TNFRSF21: variants seen among roughly 807,000 people sequenced by gnomAD.
TNFRSF21 encodes tumor necrosis factor receptor superfamily member 21.
TNFRSF21 carries 19 observed loss-of-function variants against 45.6 expected under a neutral mutation model. The ratio of observed to expected loss-of-function variants is 0.42; its 90% CI spans 0.29 to 0.61. TNFRSF21 has a LOEUF of 0.61. TNFRSF21 is among the 20% of genes least tolerant of loss of function. The pLI is 0.23. For synonymous variants in TNFRSF21, 314 were observed against 335.5 expected (o/e 0.94, Z 0.70); for missense variants, 737 against 851.5 (o/e 0.87, Z 1.67).
At chr6:47,284,519 A>C in intron 2 of TNFRSF21, 87 bp from the exon 3 acceptor site, 1 of 1,383,506 alleles carries the variant, frequency 7.2e-7, no homozygotes, top group East Asian at 2.4e-5. Context: ...TCTCCAAGCT[A>C]GGCCAGATAA....
At chr6:47,280,139 T>TATC (rs1762547871) in intron 3 of TNFRSF21, among the ~76,000 whole-genome samples, 1 of 152,288 alleles carries the variant, frequency 6.6e-6, no homozygotes, top group South Asian at 2.1e-4. Flanking sequence ...TTGGAGGATG[T>TATC]ATATGGCATC....
At chr6:47,240,154 A>G (rs1025558060) in intron 4 of TNFRSF21, among the ~76,000 whole-genome samples, 1 of 152,134 alleles carries the variant, frequency 6.6e-6, no homozygotes, top group Non-Finnish European at 1.5e-5. Flanking sequence ...TTTCCCTAAT[A>G]TAACTAGATA....
At chr6:47,241,405 ATTC>A (rs1374828008) in intron 4 of TNFRSF21, among the ~76,000 whole-genome samples, 1 of 152,198 alleles carries the variant, frequency 6.6e-6, no homozygotes, top group Non-Finnish European at 1.5e-5. Flanking sequence ...TTTTAAAATT[ATTC>A]TTCTGAGTGT....
intron 3 of TNFRSF21, among the ~76,000 whole-genome samples, chr6:47,269,522 T>C (rs928048685): frequency 2.0e-5 from 3 of 152,346 alleles, no homozygotes; most frequent in South Asian, 4.1e-4. Flanking sequence ...TATCCCAAAC[T>C]TCCCTCATTT....
intron 1 of TNFRSF21, among the ~76,000 whole-genome samples, chr6:47,306,046 G>A (rs756622200): frequency 1.3e-5 from 2 of 152,146 alleles, no homozygotes; most frequent in African/African-American, 2.4e-5. Context: ...AAGTCAAGAT[G>A]GTGGAAGGTA....
intron 4 of TNFRSF21, among the ~76,000 whole-genome samples, chr6:47,241,567 G>A (rs1764743302): frequency 6.6e-6 from 1 of 152,006 alleles, no homozygotes; most frequent in Non-Finnish European, 1.5e-5. Flanking sequence ...TCAGTTATAA[G>A]AAATTTAGAG....
At chr6:47,304,749 G>A (rs1762915022) in intron 1 of TNFRSF21, among the ~76,000 whole-genome samples, 1 of 152,018 alleles carries the variant, frequency 6.6e-6, no homozygotes, top group South Asian at 2.1e-4. Context: ...TCCCATTTAC[G>A]AGGAATTTTT....
rs1236525016 is a variant in TNFRSF21, at chr6:47,283,937, C to CA, written c.1243_1243+1insT (p.Gly415ValfsTer28). ...GCAAGGAGAGAAGAGAGAAGGCTCA[C>CA]CATGGCCATTGCAGTAGTAGATCCA... On this transcript the variant is annotated frameshift_variant and splice_region_variant. Transcript: ENST00000296861. LOFTEE classifies it high-confidence loss of function. 1 of 1,611,562 alleles carries CA rather than the reference C, an allele frequency of 6.2e-7. No homozygotes were observed. Among genetic ancestry groups the CA allele is most frequent in the Admixed American group, 1.7e-5 (1 of 59,874 alleles).
At chr6:47,264,114 T>C (rs1018421447) in intron 3 of TNFRSF21, among the ~76,000 whole-genome samples, 1 of 152,220 alleles carries the variant, frequency 6.6e-6, no homozygotes, top group Non-Finnish European at 1.5e-5. Context: ...TTTAGATTTT[T>C]TTTTCCTATT....
At chr6:47,274,593 C>A (rs1326324710) in intron 3 of TNFRSF21, among the ~76,000 whole-genome samples, 1 of 152,162 alleles carries the variant, frequency 6.6e-6, no homozygotes, top group Admixed American at 6.5e-5. Flanking sequence ...GACTTCATGA[C>A]TAAAACACCA....
In TNFRSF21 at chr6:47,285,939, G is replaced by T; in HGVS notation, c.748+5C>A. On this transcript the variant is annotated splice_donor_5th_base_variant and intron_variant, in intron 2 of 5. Coordinates refer to ENST00000296861, the MANE Select transcript of TNFRSF21 (RefSeq NM_014452.5). ...TCAAATAAATAATTCATGAGGTTAA[G>T]TTACCTTTGGGAACATAAGTGGAGG... 1.9e-6 allele frequency: 3 copies of T among 1,612,580 alleles called. No homozygotes were observed. The highest frequency in any genetic ancestry group is 1.7e-6 in the Non-Finnish European group (2 of 1,178,796).
chr6:47,241,113 A>G (rs1349408082), intron 4 of TNFRSF21, among the ~76,000 whole-genome samples: 1 of 152,214 alleles, frequency 6.6e-6, no homozygotes, highest in African/African-American at 2.4e-5. Context: ...CTTTGCCAGA[A>G]AAGTATTTCT....
At chr6:47,307,469 C>G (rs1762955905) in intron 1 of TNFRSF21, among the ~76,000 whole-genome samples, 1 of 152,180 alleles carries the variant, frequency 6.6e-6, no homozygotes. Context: ...GCCTCAACAT[C>G]CTGGGCTCAA....
At chr6:47,287,895 AAAATT>A (rs1405021783) in intron 1 of TNFRSF21, among the ~76,000 whole-genome samples, 1 of 152,254 alleles carries the variant, frequency 6.6e-6, no homozygotes, top group Non-Finnish European at 1.5e-5. Flanking sequence ...ACTATCTGAT[AAAATT>A]AAGTCTTGGT....
In TNFRSF21 at chr6:47,260,524, G is replaced by C. The variant is rs564812080; in HGVS notation, c.1244-7003C>G. 9.8e-5 allele frequency among the ~76,000 whole-genome samples: 15 copies of C among 152,304 alleles called. No individual in the cohort carries two copies. The South Asian group carries it at 3.1e-3, about 32-fold the overall frequency. On this transcript the variant is annotated intron_variant, in intron 3 of 5. Coordinates refer to ENST00000296861, the MANE Select transcript of TNFRSF21 (RefSeq NM_014452.5). ...ATTTGAAGCTCATTTTTTAAAAGCT[G>C]AATATCAGCTTCAGGATGCAAAAAT...
intron 4 of TNFRSF21, among the ~76,000 whole-genome samples, chr6:47,249,813 T>A (rs995054256): frequency 1.3e-5 from 2 of 152,170 alleles, no homozygotes; most frequent in African/African-American, 4.8e-5. Context: ...TAAGCATGTG[T>A]GTTGTAATCC....
rs142611957 is a variant in TNFRSF21, at chr6:47,269,524, C to A, written c.1243+14414G>T. 3.3e-3 allele frequency among the ~76,000 whole-genome samples: 504 copies of A among 152,306 alleles called. 2 individuals carry two copies. The highest frequency in any genetic ancestry group is 0.011 in the African/African-American group (469 of 41,548). On this transcript the variant is annotated intron_variant, in intron 3 of 5. Coordinates refer to ENST00000296861, the MANE Select transcript of TNFRSF21 (RefSeq NM_014452.5). Reference sequence around the variant, plus strand: ...CTGGTTACAAACTTATCCCAAACTTCCCTCATTTCAGAATAGGATAGCATG... The same window carrying A: ...CTGGTTACAAACTTATCCCAAACTTACCTCATTTCAGAATAGGATAGCATG...
intron 4 of TNFRSF21, among the ~76,000 whole-genome samples, chr6:47,245,430 G>A (rs956236848): frequency 9.3e-6 from 1 of 107,432 alleles, no homozygotes; most frequent in African/African-American, 4.9e-5. Context: ...AAGAAGAAGT[G>A]TGTGTGTGTG....
intron 3 of TNFRSF21, among the ~76,000 whole-genome samples, chr6:47,264,520 A>G (rs1379682776): frequency 2.0e-5 from 3 of 152,170 alleles, no homozygotes; most frequent in South Asian, 2.1e-4. Context: ...ATCTCAAAAA[A>G]TAATAAATTA....
Sources: gnomAD v4.1 joint callset for allele counts (sites outside exome capture counted in the v4.1 genomes callset) on GRCh38, gnomAD v4.1.1 for gene constraint, MANE v1.5 for transcripts, NCBI Gene and HGNC (gene_info 2026-07-23, HGNC 2026-07-21) for gene names.